The following PPM1L variants were observed in gnomAD, a reference collection of about 807,000 sequenced individuals.
PPM1L encodes the protein protein phosphatase 1L.
A neutral mutation model predicts 31.4 loss-of-function variants in PPM1L; 13 were observed. That is an observed-to-expected ratio of 0.41 (90% CI 0.27 to 0.66). PPM1L has a LOEUF of 0.66. Among genes scored for constraint, PPM1L ranks in the 30% least tolerant of loss-of-function variants. PPM1L has a pLI of 0.29. For synonymous variants in PPM1L, 184 were observed against 175.4 expected, an observed-to-expected ratio of 1.05 and a Z score of -0.39; for missense variants, 326 against 453.7, an observed-to-expected ratio of 0.72 and a Z score of 2.56.
chr3:161,039,158 A>G (rs988579830), intron 2 of PPM1L, among the ~76,000 whole-genome samples: 5 of 152,228 alleles, frequency 3.3e-5, no homozygotes, highest in African/African-American at 1.2e-4. Context: ...TGCTCCGTCT[A>G]TGGAGTAGCC....
At chr3:160,830,341 A>G (rs1251518464) in intron 1 of PPM1L, among the ~76,000 whole-genome samples, 1 of 152,212 alleles carries the variant, frequency 6.6e-6, no homozygotes, top group Admixed American at 6.5e-5. Context: ...TACATCAGAA[A>G]GAAAAAGCAT....
intron 1 of PPM1L, among the ~76,000 whole-genome samples, chr3:160,818,467 C>A (rs1713059596): frequency 6.6e-6 from 1 of 152,030 alleles, no homozygotes; most frequent in African/African-American, 2.4e-5. Context: ...CCCTACATTT[C>A]TTTCAGTTCT....
Position 160,824,360 on chromosome 3 carries a change from C to T in PPM1L, c.399+67653C>T, listed in dbSNP as rs570160809. Among the ~76,000 whole-genome samples, 22 of 152,286 alleles carry T rather than the reference C, an allele frequency of 1.4e-4. 1 individual carries two copies. In the South Asian group the frequency reaches 4.6e-3, roughly 32 times the overall value. On this transcript the variant is annotated intron_variant, in intron 1 of 3. Coordinates refer to ENST00000498165, the MANE Select transcript of PPM1L (RefSeq NM_139245.4). ...TCAATTTCTGTTGTGTGTTAGCTAC[C>T]TGCCTATGGTACTTTGTTATAGCAG...
intron 2 of PPM1L, among the ~76,000 whole-genome samples, chr3:161,043,344 CTTCCCTA>C (rs1183491877): frequency 6.6e-6 from 1 of 152,180 alleles, no homozygotes; most frequent in Non-Finnish European, 1.5e-5. Flanking sequence ...ACAGCATAGT[CTTCCCTA>C]TTTAATCATA....
At chr3:161,022,971 C>T (rs1718279830) in intron 2 of PPM1L, among the ~76,000 whole-genome samples, 1 of 152,084 alleles carries the variant, frequency 6.6e-6, no homozygotes, top group Admixed American at 6.6e-5. Context: ...GCCTCTCCTT[C>T]ATTTTTGAAG....
At chr3:160,820,549 T>C (rs1435530291) in intron 1 of PPM1L, among the ~76,000 whole-genome samples, 1 of 152,054 alleles carries the variant, frequency 6.6e-6, no homozygotes, top group East Asian at 1.9e-4. Context: ...GCTTCTCACT[T>C]TCTTACTTAA....
intron 1 of PPM1L, among the ~76,000 whole-genome samples, chr3:160,918,645 A>C (rs1168802935): frequency 2.0e-5 from 3 of 152,348 alleles, no homozygotes; most frequent in African/African-American, 4.8e-5. Context: ...TAGCAAAATG[A>C]AAAATTGAAT....
intron 1 of PPM1L, among the ~76,000 whole-genome samples, chr3:160,852,739 TG>T (rs1238527234): frequency 3.3e-5 from 5 of 152,256 alleles, no homozygotes; most frequent in African/African-American, 1.2e-4. Flanking sequence ...AATTGTATTC[TG>T]TGGATGGTTG....
At chr3:160,977,490 T>C (rs1489539232) in intron 2 of PPM1L, among the ~76,000 whole-genome samples, 2 of 152,254 alleles carry the variant, frequency 1.3e-5, no homozygotes, top group African/African-American at 4.8e-5. Flanking sequence ...TCTATGAATC[T>C]ATTTTCTAGA....
At chr3:161,050,905 A>G (rs1719253687) in intron 2 of PPM1L, among the ~76,000 whole-genome samples, 1 of 152,236 alleles carries the variant, frequency 6.6e-6, no homozygotes, top group African/African-American at 2.4e-5. Flanking sequence ...GAGCATAAAC[A>G]AGTATTTTTT....
intron 1 of PPM1L, among the ~76,000 whole-genome samples, chr3:160,794,070 C>T (rs753034397): frequency 1.4e-5 from 2 of 147,840 alleles, no homozygotes; most frequent in Non-Finnish European, 2.9e-5. Context: ...GCTCCCTCAC[C>T]GAGCTATGTC....
intron 1 of PPM1L, among the ~76,000 whole-genome samples, chr3:160,832,162 TTAAC>T (rs1246249992): frequency 6.6e-6 from 1 of 152,150 alleles, no homozygotes; most frequent in African/African-American, 2.4e-5. Flanking sequence ...GGATGTTGAG[TTAAC>T]TAACTAGAGT....
chr3:160,916,053 A>T (rs1047337138), intron 1 of PPM1L, among the ~76,000 whole-genome samples: 2 of 152,240 alleles, frequency 1.3e-5, no homozygotes, highest in African/African-American at 4.8e-5. Context: ...GCCAAAATAG[A>T]CAAATGGGAT....
intron 1 of PPM1L, among the ~76,000 whole-genome samples, chr3:160,956,840 A>G (rs1715791179): frequency 6.6e-6 from 1 of 152,224 alleles, no homozygotes. Context: ...AAGAATTAGG[A>G]ACTGTCAAAA....
intron 1 of PPM1L, among the ~76,000 whole-genome samples, chr3:160,890,769 C>G (rs1208691540): frequency 6.6e-6 from 1 of 152,044 alleles, no homozygotes; most frequent in African/African-American, 2.4e-5. Flanking sequence ...GTACTGTTAC[C>G]AAAACAGACA....
chr3:160,991,424 CTTGAG>C (rs1280839689), intron 2 of PPM1L, among the ~76,000 whole-genome samples: 1 of 152,264 alleles, frequency 6.6e-6, no homozygotes, highest in East Asian at 1.9e-4. Context: ...CATCAAACTA[CTTGAG>C]TTAAGAATCC....
intron 1 of PPM1L, among the ~76,000 whole-genome samples, chr3:160,934,884 G>T (rs745707): frequency 0.35 from 52,941 of 151,580 alleles, 9,341 homozygotes; most frequent in East Asian, 0.46. Context: ...GTCCAGGGGG[G>T]TTGCAGTGAG....
chr3:160,988,764 C>T (rs1167781840), intron 2 of PPM1L, among the ~76,000 whole-genome samples: 1 of 152,138 alleles, frequency 6.6e-6, no homozygotes, highest in Admixed American at 6.5e-5. Context: ...TGGGAGCCAC[C>T]ACTTAAGCTC....
intron 1 of PPM1L, among the ~76,000 whole-genome samples, chr3:160,792,359 A>G (rs1445080708): frequency 3.3e-5 from 5 of 152,168 alleles, no homozygotes; most frequent in African/African-American, 1.2e-4. Context: ...CTTATTTCTG[A>G]TGGTGATTTG....
Sources: gnomAD v4.1 joint callset for allele counts (sites outside exome capture counted in the v4.1 genomes callset) on GRCh38, gnomAD v4.1.1 for gene constraint, MANE v1.5 for transcripts, NCBI Gene and HGNC (gene_info 2026-07-23, HGNC 2026-07-21) for gene names.